Variants in CRIM1 observed in about 807,000 individuals in gnomAD.
CRIM1 encodes cysteine-rich motor neuron 1 protein.
Under a neutral mutation model 116.4 loss-of-function variants are expected in CRIM1, and 32 were observed. The ratio of observed to expected loss-of-function variants is 0.27; its 90% confidence interval spans 0.21 to 0.37. CRIM1 has a LOEUF of 0.37. Ranked by LOEUF, CRIM1 falls within the 10% of genes least tolerant of loss-of-function variation. The pLI, the probability that CRIM1 is intolerant of heterozygous loss-of-function variation, is 1.00. For synonymous variants in CRIM1, 590 were observed against 509.2 expected, an observed-to-expected ratio of 1.16 and a Z score of -2.13; for missense variants, 1,331 against 1,354.8, an observed-to-expected ratio of 0.98 and a Z score of 0.28.
intron 5 of CRIM1, among the ~76,000 whole-genome samples, chr2:36,474,024 T>G (rs1484280829): frequency 6.6e-6 from 1 of 152,182 alleles, no homozygotes; most frequent in Non-Finnish European, 1.5e-5. Context: ...TTACTATTTT[T>G]TAATTATATC....
intron 13 of CRIM1, among the ~76,000 whole-genome samples, chr2:36,529,998 C>T (rs1440236288): frequency 6.6e-6 from 1 of 152,016 alleles, no homozygotes; most frequent in Non-Finnish European, 1.5e-5. Context: ...ACAGCATGTA[C>T]CTCATTTTTT....
chr2:36,371,150 C>T (rs1669916364), intron 1 of CRIM1, among the ~76,000 whole-genome samples: 1 of 152,140 alleles, frequency 6.6e-6, no homozygotes, highest in South Asian at 2.1e-4. Context: ...CCATAGTTGT[C>T]TTCACGTCCT....
At chr2:36,537,695 A>G (rs560411579) in intron 14 of CRIM1, 149 bp downstream of exon 14, 6 of 860,598 alleles carry the variant, frequency 7.0e-6, no homozygotes, top group South Asian at 5.7e-5. Flanking sequence ...CAAAGACCCT[A>G]TGGGTAACTT....
chr2:36,456,829 A>ATT (rs1181230779), intron 4 of CRIM1, among the ~76,000 whole-genome samples: 2 of 142,474 alleles, frequency 1.4e-5, no homozygotes, highest in Non-Finnish European at 1.5e-5. Flanking sequence ...ACTAACCCTG[A>ATT]TTTTTTTTTT....
intron 7 of CRIM1, among the ~76,000 whole-genome samples, chr2:36,479,920 G>A (rs932527334): frequency 2.0e-4 from 31 of 152,166 alleles, no homozygotes; most frequent in Admixed American, 1.5e-3. Flanking sequence ...AAATATGCGC[G>A]TCTGAATACT....
chr2:36,458,321 T>C (rs1677304855), intron 4 of CRIM1, among the ~76,000 whole-genome samples: 1 of 152,162 alleles, frequency 6.6e-6, no homozygotes, highest in Non-Finnish European at 1.5e-5. Flanking sequence ...TTGAGGGGCA[T>C]TCCTGTTCTT....
At chr2:36,494,752 T>A (rs1680462667) in intron 7 of CRIM1, among the ~76,000 whole-genome samples, 2 of 152,206 alleles carry the variant, frequency 1.3e-5, no homozygotes, top group Admixed American at 1.3e-4. Flanking sequence ...AGAATTCTTC[T>A]CCACAAGGAA....
chr2:36,516,934 G>A (rs922130704), intron 11 of CRIM1, among the ~76,000 whole-genome samples: 2 of 152,316 alleles, frequency 1.3e-5, no homozygotes, highest in Non-Finnish European at 2.9e-5. Context: ...GAAGTGCTTA[G>A]CATGGAAATA....
chr2:36,409,950 G>T (rs146437196), intron 2 of CRIM1, among the ~76,000 whole-genome samples: 28 of 152,232 alleles, frequency 1.8e-4, no homozygotes, highest in Non-Finnish European at 1.8e-4. Flanking sequence ...TTTTAATGGT[G>T]CATACGCTCT....
intron 1 of CRIM1, among the ~76,000 whole-genome samples, chr2:36,370,176 T>C (rs565015729): frequency 6.6e-6 from 1 of 152,292 alleles, no homozygotes; most frequent in South Asian, 2.1e-4. Flanking sequence ...TGCTGACTTA[T>C]TTCTTAGTGA....
rs1668762079 is a variant in CRIM1 at position 36,355,855 on chromosome 2, G to A, written c.-438G>A. 1 of 151,760 alleles carries A rather than the reference G, an allele frequency of 6.6e-6. No individual in the cohort carries two copies. The highest frequency in any genetic ancestry group is 1.5e-5 in the Non-Finnish European group (1 of 67,978). 9.4% of individuals were successfully genotyped at this position (151,760 alleles called of 1,614,324 possible). ...GCCACCGCGCCCACTCGGCAGCTCG[G>A]GAGGCGGGGACCGGCCCGGAGGCTG... On this transcript the variant is annotated 5_prime_UTR_variant, in exon 1 of 17. Transcript: ENST00000280527.
chr2:36,438,148 AAAAAG>A, intron 2 of CRIM1, among the ~76,000 whole-genome samples: 1 of 151,668 alleles, frequency 6.6e-6, no homozygotes, highest in African/African-American at 2.4e-5. Context: ...AAAAACAAAA[AAAAAG>A]AGTGGGATAA....
intron 1 of CRIM1, among the ~76,000 whole-genome samples, chr2:36,359,347 C>G (rs576096580): frequency 1.3e-5 from 2 of 152,184 alleles, no homozygotes; most frequent in Admixed American, 6.5e-5. Flanking sequence ...AATTTAAATA[C>G]AAATTATATT....
chr2:36,528,835 C>A (rs1317287649), intron 13 of CRIM1, among the ~76,000 whole-genome samples: 1 of 152,208 alleles, frequency 6.6e-6, no homozygotes, highest in Non-Finnish European at 1.5e-5. Flanking sequence ...AAAGTTATCA[C>A]AACAAAAATA....
intron 8 of CRIM1, among the ~76,000 whole-genome samples, chr2:36,504,814 T>C (rs1283940854): frequency 1.3e-5 from 2 of 152,202 alleles, no homozygotes; most frequent in Non-Finnish European, 1.5e-5. Flanking sequence ...ATGAAAGGCA[T>C]CTGCATGAAT....
intron 13 of CRIM1, among the ~76,000 whole-genome samples, chr2:36,522,810 A>AG (rs1334207553): frequency 2.0e-5 from 3 of 150,644 alleles, no homozygotes; most frequent in Admixed American, 6.6e-5. Context: ...TCAAAAAAAA[A>AG]AAAAAGAAGA....
At chr2:36,419,453 A>G (rs925119500) in intron 2 of CRIM1, among the ~76,000 whole-genome samples, 20 of 152,200 alleles carry the variant, frequency 1.3e-4, no homozygotes, top group Non-Finnish European at 2.6e-4. Flanking sequence ...TGCCGCTTGA[A>G]ATAGACTCAT....
intron 11 of CRIM1, among the ~76,000 whole-genome samples, chr2:36,514,644 T>C (rs1221203867): frequency 6.6e-6 from 1 of 152,222 alleles, no homozygotes; most frequent in Non-Finnish European, 1.5e-5. Flanking sequence ...TGTCAGATTT[T>C]GGAGGATGAT....
rs760248337 is a variant in CRIM1, at chr2:36,499,263, T to G, written c.1417T>G (p.Ser473Ala). ...TGATCCACCTGCATGTGGGGAGTTA[T>G]CAAACTGCACTCTGACAGGGAAGGA... ...TVDPPACGEL[S>A]NCTLTGKDCI... is the part of the protein sequence containing the mutation. Residue 473 changes from serine to alanine, a missense_variant, in exon 8 of 17, where the codon TCA becomes GCA. Ser to Ala is a moderately conservative substitution (Grantham distance 99). This residue lies in a region of CRIM1 where 690 missense variants were observed against 676.0 expected (regional missense o/e 1.02). Coordinates refer to ENST00000280527, the MANE Select transcript of CRIM1 (RefSeq NM_016441.3). 2.5e-6 allele frequency: 4 copies of G among 1,613,432 alleles called. No individual in the cohort carries two copies. In the African/African-American group the frequency reaches 5.3e-5, roughly 22 times the overall value.
Sources: gnomAD v4.1 joint callset for allele counts (sites outside exome capture counted in the v4.1 genomes callset) on GRCh38, gnomAD v4.1.1 for gene constraint, gnomAD v4.1.1 regional missense constraint, MANE v1.5 for transcripts, NCBI Gene and HGNC (gene_info 2026-07-23, HGNC 2026-07-21) for gene names.